The following GBE1 variants were observed in gnomAD, a reference collection of about 807,000 sequenced individuals.
GBE1 encodes the protein 1,4-alpha-glucan-branching enzyme.
Under a neutral mutation model 88.8 loss-of-function variants are expected in GBE1, and 70 were observed. The observed-to-expected ratio is 0.79, with a 90% CI of 0.65 to 0.96. The LOEUF is 0.96. GBE1 is among the 40% of genes least tolerant of loss of function. The pLI, the probability that GBE1 is intolerant of heterozygous loss-of-function variation, is 0.00. For missense variants in GBE1, 872 were observed against 871.0 expected, an observed-to-expected ratio of 1.00 and a Z score of -0.01; for synonymous variants, 284 against 300.1, an observed-to-expected ratio of 0.95 and a Z score of 0.56.
At chr3:81,530,654 C>T (rs1206800528) in intron 14 of GBE1, among the ~76,000 whole-genome samples, 4 of 151,934 alleles carry the variant, frequency 2.6e-5, no homozygotes, top group African/African-American at 9.7e-5. Context: ...TCTTCCTTTA[C>T]TTTCCCCTAA....
intron 1 of GBE1, among the ~76,000 whole-genome samples, chr3:81,750,527 A>G (rs1168570633): frequency 1.2e-5 from 1 of 80,992 alleles, no homozygotes; most frequent in East Asian, 1.3e-3. Context: ...AAACATTCAT[A>G]TATATATATA....
chr3:81,697,874 C>G (rs983345273), intron 2 of GBE1, among the ~76,000 whole-genome samples: 1 of 151,630 alleles, frequency 6.6e-6, no homozygotes, highest in Admixed American at 6.6e-5. Context: ...AGCATTTTAA[C>G]GAAAGACTGT....
intron 15 of GBE1, 21 bp downstream of exon 15, chr3:81,499,089 T>C: frequency 4.1e-6 from 5 of 1,206,102 alleles, no homozygotes; most frequent in Non-Finnish European, 3.6e-6. Flanking sequence ...TAGCAGGAAA[T>C]ATGTTGAGAA....
intron 14 of GBE1, among the ~76,000 whole-genome samples, chr3:81,510,874 T>C (rs1702717598): frequency 6.6e-6 from 1 of 152,064 alleles, no homozygotes; most frequent in South Asian, 2.1e-4. Flanking sequence ...TGTTATATAC[T>C]TGAAATCTGC....
chr3:81,731,234 G>A (rs537454544), intron 1 of GBE1, among the ~76,000 whole-genome samples: 1 of 152,230 alleles, frequency 6.6e-6, no homozygotes, highest in East Asian at 1.9e-4. Context: ...GAGAAGTGGA[G>A]TAGATCACGA....
chr3:81,710,939 A>G (rs1375549567), intron 1 of GBE1, among the ~76,000 whole-genome samples: 2 of 152,366 alleles, frequency 1.3e-5, no homozygotes, highest in Admixed American at 6.5e-5. Context: ...TGAGTTATGG[A>G]AAGTCTGGAA....
intron 2 of GBE1, among the ~76,000 whole-genome samples, chr3:81,688,806 C>T (rs1176757284): frequency 6.6e-6 from 1 of 151,418 alleles, no homozygotes; most frequent in Non-Finnish European, 1.5e-5. Flanking sequence ...TCTTAATTTT[C>T]TCTTTTATGT....
intron 1 of GBE1, among the ~76,000 whole-genome samples, chr3:81,712,676 A>G (rs1705886010): frequency 6.6e-6 from 1 of 152,184 alleles, no homozygotes; most frequent in Non-Finnish European, 1.5e-5. Context: ...GAGGGATAGC[A>G]TTAGGAAATA....
intron 14 of GBE1, among the ~76,000 whole-genome samples, chr3:81,513,114 A>T (rs1297316061): frequency 6.6e-6 from 1 of 151,600 alleles, no homozygotes; most frequent in Non-Finnish European, 1.5e-5. Flanking sequence ...AGGTGGGGAG[A>T]ATCATTAGGG....
At chr3:81,674,451 G>C (rs1705227089) in intron 2 of GBE1, among the ~76,000 whole-genome samples, 1 of 151,690 alleles carries the variant, frequency 6.6e-6, no homozygotes, top group Non-Finnish European at 1.5e-5. Context: ...GGTGTATCCA[G>C]GTGTAATTGC....
intron 2 of GBE1, among the ~76,000 whole-genome samples, chr3:81,696,710 T>C (rs1416244947): frequency 6.6e-6 from 1 of 152,130 alleles, no homozygotes; most frequent in African/African-American, 2.4e-5. Context: ...TTACAGACAT[T>C]AACTGCAAGT....
intron 1 of GBE1, among the ~76,000 whole-genome samples, chr3:81,751,982 C>G (rs899058632): frequency 6.6e-6 from 1 of 152,124 alleles, no homozygotes. Flanking sequence ...AAAACTTCAA[C>G]TTTATGCAAG....
intron 7 of GBE1, among the ~76,000 whole-genome samples, chr3:81,636,279 GA>G (rs1301588781): frequency 6.6e-6 from 1 of 152,074 alleles, no homozygotes; most frequent in East Asian, 1.9e-4. Context: ...TAATCAAGCT[GA>G]AATAAGATTC....
At chr3:81,750,605 A>ATATATATATG (rs1706500524) in intron 1 of GBE1, among the ~76,000 whole-genome samples, 10 of 35,532 alleles carry the variant, frequency 2.8e-4, no homozygotes, top group East Asian at 2.9e-3. Context: ...ATATATGTGT[A>ATATATATATG]TATATATATA....
At chr3:81,680,741 T>C (rs1309330194) in intron 2 of GBE1, among the ~76,000 whole-genome samples, 1 of 152,114 alleles carries the variant, frequency 6.6e-6, no homozygotes, top group Non-Finnish European at 1.5e-5. Context: ...AGGAATTAAA[T>C]CATGAAGGAA....
At chr3:81,710,232 C>CTTTATTTTT (rs1705841716) in intron 1 of GBE1, among the ~76,000 whole-genome samples, 1 of 93,206 alleles carries the variant, frequency 1.1e-5, no homozygotes, top group Non-Finnish European at 1.9e-5. Context: ...GGTAATTAAT[C>CTTTATTTTT]TTTTTTTTTT....
chr3:81,749,891 T>C (rs1575777065), intron 1 of GBE1, among the ~76,000 whole-genome samples: 1 of 152,366 alleles, frequency 6.6e-6, no homozygotes, highest in South Asian at 2.1e-4. Context: ...TGGAACCTGC[T>C]AAAACCAACC....
At chr3:81,655,070 T>C (rs1330194844) in intron 3 of GBE1, 1 of 152,142 alleles carries the variant, frequency 6.6e-6, no homozygotes, top group Non-Finnish European at 1.5e-5. Context: ...TTATCAAATA[T>C]TAAAATATTT....
intron 14 of GBE1, among the ~76,000 whole-genome samples, chr3:81,501,686 CTTT>C (rs35149061): frequency 2.2e-4 from 16 of 71,994 alleles, no homozygotes; most frequent in African/African-American, 8.9e-4. Flanking sequence ...CTTAGGGGCA[CTTT>C]TTTTTTTTTT....
Sources: gnomAD v4.1 joint callset for allele counts (sites outside exome capture counted in the v4.1 genomes callset) on GRCh38, gnomAD v4.1.1 for gene constraint, MANE v1.5 for transcripts, NCBI Gene and HGNC (gene_info 2026-07-23, HGNC 2026-07-21) for gene names.